Variants in FAM216A observed in about 807,000 individuals in gnomAD.
The protein encoded by FAM216A is protein FAM216A.
Under a neutral mutation model 37.6 loss-of-function variants are expected in FAM216A, and 26 were observed. That is an observed-to-expected ratio of 0.69 (90% CI 0.51 to 0.96). FAM216A has a LOEUF of 0.96. Among genes scored for constraint, FAM216A ranks in the 40% least tolerant of loss-of-function variants. The probability of loss-of-function intolerance (pLI) is 0.00; values close to 1 mark genes in which losing one functional copy is unlikely to be tolerated. For synonymous variants in FAM216A, 110 were observed against 121.7 expected, an observed-to-expected ratio of 0.90 and a Z score of 0.64; for missense variants, 326 against 339.3, an observed-to-expected ratio of 0.96 and a Z score of 0.31.
chr12:110,485,158 A>G lies in FAM216A; in HGVS notation c.265A>G (p.Ile89Val), dbSNP rs764146051. 1.2e-6 allele frequency: 2 copies of G among 1,612,816 alleles called. No individual in the cohort carries two copies. Among genetic ancestry groups the G allele is most frequent in the South Asian group, 1.1e-5 (1 of 90,846 alleles). ...ATGGAAAACTCCCCAAAATCAAACAATCCACCTCTCTAAATCAATGATGGA... is the reference window on the plus strand; with the variant it reads ...ATGGAAAACTCCCCAAAATCAAACAGTCCACCTCTCTAAATCAATGATGGA... ...ELWKTPQNQTIHLSKSMMEAS... is the reference protein window; with the variant it reads ...ELWKTPQNQTVHLSKSMMEAS... Residue 89 changes from isoleucine (I) to valine (V), a missense_variant, in exon 3 of 7, where the codon ATC becomes GTC. Transcript: ENST00000377673.
At chr12:110,484,932 C>G in intron 2 of FAM216A, 146 bp from the exon 3 acceptor site, 1 of 627,114 alleles carries the variant, frequency 1.6e-6, no homozygotes, top group Non-Finnish European at 2.7e-6. Context: ...GATCTCCTGA[C>G]CTCGTGATCC....
intron 4 of FAM216A, 36 bp downstream of exon 4, chr12:110,486,490 T>C: frequency 6.2e-7 from 1 of 1,607,524 alleles, no homozygotes; most frequent in Non-Finnish European, 8.5e-7. Flanking sequence ...CACTAGTTTT[T>C]ACAATTAGTG....
chr12:110,469,011 G>A lies in FAM216A; in HGVS notation c.136G>A (p.Gly46Ser). The A allele has an allele frequency of 1.4e-6, 2 of 1,474,982 alleles. No individual in the cohort carries two copies. The highest frequency in any genetic ancestry group is 1.8e-6 in the Non-Finnish European group (2 of 1,114,648). 91.4% of individuals were successfully genotyped at this position (1,474,982 alleles called of 1,614,324 possible). ...CGCTGTGGCCGGGACCGAGGGTGGC[G>A]GCGGCGGGTGAGGTTGGGGGCCCCG... Reference protein sequence around the residue: ...PPAVAGTEGGGGGSAGYSCYQ... With the variant: ...PPAVAGTEGGSGGSAGYSCYQ... Residue 46 changes from glycine (G) to serine (S), a missense_variant, in exon 1 of 7, where the codon GGC becomes AGC. Physicochemically the swap from Gly to Ser is moderately conservative, Grantham distance 56 (BLOSUM62 0). Transcript: ENST00000377673.
At chr12:110,482,802 A>G (rs1382306357) in intron 2 of FAM216A, among the ~76,000 whole-genome samples, 1 of 152,010 alleles carries the variant, frequency 6.6e-6, no homozygotes. Flanking sequence ...CTCAAAAAAA[A>G]AAAAAAAGAT....
Position 110,486,720 on chromosome 12 carries a change from C to A in FAM216A, c.620+3C>A. 1 of 1,610,010 alleles carries A rather than the reference C, an allele frequency of 6.2e-7. No homozygotes were observed. Among genetic ancestry groups the A allele is most frequent in the Non-Finnish European group, 8.5e-7 (1 of 1,178,228 alleles). On this transcript the variant is annotated splice_donor_region_variant and intron_variant, in intron 5 of 6. Coordinates refer to ENST00000377673, the MANE Select transcript of FAM216A (RefSeq NM_013300.3). ...CGGCCAGTGAGAAACAAAGAAGGGT[C>A]TGTTTCTTAGTGTAAAAGGGGGGAA...
At chr12:110,487,759 G>A (rs966067584) in intron 5 of FAM216A, 102 bp from the exon 6 acceptor site, 1 of 736,982 alleles carries the variant, frequency 1.4e-6, no homozygotes, top group Admixed American at 2.4e-5. Context: ...GGTCTTTTTG[G>A]TGATGTTGGC....
intron 2 of FAM216A, among the ~76,000 whole-genome samples, chr12:110,477,274 T>C (rs1345046242): frequency 1.3e-4 from 20 of 152,248 alleles, no homozygotes; most frequent in Non-Finnish European, 1.5e-5. Flanking sequence ...GGTAAAAGTA[T>C]ATGGGGATAT....
In FAM216A at chr12:110,472,603, A is replaced by G. The variant is rs77675609; in HGVS notation, c.144-475A>G. ...ATCTTGGAGCCATTAGGATTTAACC[A>G]GAATTATAGGAAAAAATTTGTAAGA... is the stretch of plus-strand genomic sequence containing the variant. On this transcript the variant is annotated intron_variant, in intron 1 of 6. Coordinates refer to ENST00000377673, the MANE Select transcript of FAM216A (RefSeq NM_013300.3). Among the ~76,000 whole-genome samples, 1,358 of 152,250 alleles carry G rather than the reference A, an allele frequency of 8.9e-3. 24 individuals are homozygous for G. Among genetic ancestry groups the G allele is most frequent in the African/African-American group, 0.029 (1,213 of 41,540 alleles).
At chr12:110,469,858 G>A (rs2135537589) in intron 1 of FAM216A, among the ~76,000 whole-genome samples, 1 of 152,104 alleles carries the variant, frequency 6.6e-6, no homozygotes, top group East Asian at 1.9e-4. Flanking sequence ...GAATATCCGA[G>A]GTGCCTTGAT....
chr12:110,484,068 T>G (rs2062762550), intron 2 of FAM216A, among the ~76,000 whole-genome samples: 1 of 151,756 alleles, frequency 6.6e-6, no homozygotes, highest in Non-Finnish European at 1.5e-5. Context: ...TGAGCTATGA[T>G]TATGCCACTG....
intron 1 of FAM216A, among the ~76,000 whole-genome samples, chr12:110,469,823 C>T (rs180919763): frequency 4.7e-4 from 71 of 152,210 alleles, no homozygotes; most frequent in African/African-American, 1.6e-3. Flanking sequence ...ACGAGGATTT[C>T]TAATCGCCAA....
chr12:110,472,135 G>A (rs1000991767), intron 1 of FAM216A, among the ~76,000 whole-genome samples: 2 of 152,020 alleles, frequency 1.3e-5, no homozygotes, highest in African/African-American at 2.4e-5. Flanking sequence ...GGAGGCTGAA[G>A]TGGGAGAATT....
At chr12:110,478,455 AAG>A (rs2062727311) in intron 2 of FAM216A, among the ~76,000 whole-genome samples, 1 of 152,112 alleles carries the variant, frequency 6.6e-6, no homozygotes, top group Non-Finnish European at 1.5e-5. Context: ...TAACCCTCAA[AAG>A]AGATGTTATT....
At chr12:110,485,745 A>T (rs1220066495) in intron 3 of FAM216A, among the ~76,000 whole-genome samples, 1 of 152,216 alleles carries the variant, frequency 6.6e-6, no homozygotes, top group Non-Finnish European at 1.5e-5. Context: ...ATTTTCTTTG[A>T]ACTTACCATG....
chr12:110,474,518 C>G (rs1181190647), intron 2 of FAM216A, among the ~76,000 whole-genome samples: 1 of 151,166 alleles, frequency 6.6e-6, no homozygotes, highest in African/African-American at 2.4e-5. Flanking sequence ...GGTGAAACCC[C>G]GTCTCTGCTA....
chr12:110,490,152 G>A lies in FAM216A; in HGVS notation c.*15G>A. The A allele has an allele frequency of 1.6e-6, 2 of 1,287,572 alleles. No homozygotes were observed. Among genetic ancestry groups the A allele is most frequent in the African/African-American group, 1.5e-5 (1 of 68,860 alleles). 79.8% of individuals were successfully genotyped at this position (1,287,572 alleles called of 1,614,324 possible). A position where few individuals can be genotyped will look rare whatever the true frequency, so the allele number is the denominator to read the frequency against. ...TGTTAACTTGACAGTCTTGTCTCGT[G>A]TATTGAATTCGTGCCAAAGGTGAGG... On this transcript the variant is annotated 3_prime_UTR_variant, in exon 7 of 7. Coordinates refer to ENST00000377673, the MANE Select transcript of FAM216A (RefSeq NM_013300.3).
At chr12:110,478,613 A>G (rs1363350134) in intron 2 of FAM216A, among the ~76,000 whole-genome samples, 1 of 152,164 alleles carries the variant, frequency 6.6e-6, no homozygotes, top group Non-Finnish European at 1.5e-5. Flanking sequence ...AGAGAGCCAC[A>G]TGTCAAGGAA....
intron 2 of FAM216A, among the ~76,000 whole-genome samples, chr12:110,481,775 A>T (rs1422999249): frequency 6.6e-6 from 1 of 152,164 alleles, no homozygotes; most frequent in African/African-American, 2.4e-5. Context: ...TTTATTAAGG[A>T]CACAATTCAT....
In FAM216A at chr12:110,490,162, C is replaced by A. The variant is rs748544434; in HGVS notation, c.*25C>A. ...ACAGTCTTGTCTCGTGTATTGAATTCGTGCCAAAGGTGAGGGTAAGGGGTT... is the reference window on the plus strand; with the variant it reads ...ACAGTCTTGTCTCGTGTATTGAATTAGTGCCAAAGGTGAGGGTAAGGGGTT... On this transcript the variant is annotated 3_prime_UTR_variant, in exon 7 of 7. Coordinates refer to ENST00000377673, the MANE Select transcript of FAM216A (RefSeq NM_013300.3). The A allele has an allele frequency of 2.6e-6, 3 of 1,168,588 alleles. No homozygotes were observed. The highest frequency in any genetic ancestry group is 2.4e-5 in the South Asian group (2 of 82,000). The allele number at this position is 1,168,588 out of a possible 1,614,324, so 72.4% of individuals were successfully genotyped here.
Sources: gnomAD v4.1 joint callset for allele counts (sites outside exome capture counted in the v4.1 genomes callset) on GRCh38, gnomAD v4.1.1 for gene constraint, MANE v1.5 for transcripts, NCBI Gene and HGNC (gene_info 2026-07-23, HGNC 2026-07-21) for gene names.